GRID1: variants seen among roughly 807,000 people sequenced by gnomAD.
The protein encoded by GRID1 is glutamate ionotropic receptor delta type subunit 1, also known as glutamate receptor ionotropic, delta-1.
In GRID1, 28 loss-of-function variants were observed where a neutral mutation model predicts 98.0. That is an observed-to-expected ratio of 0.29 (90% CI 0.21 to 0.39). The LOEUF is 0.39. Among genes scored for constraint, GRID1 ranks in the 10% least tolerant of loss-of-function variants. GRID1 has a pLI of 1.00. For synonymous variants in GRID1, 553 were observed against 538.5 expected (o/e 1.03, Z -0.37); for missense variants, 1,111 against 1,340.5 (o/e 0.83, Z 2.67).
At chr10:86,210,680 G>T (rs1462513644) in intron 2 of GRID1, among the ~76,000 whole-genome samples, 2 of 152,234 alleles carry the variant, frequency 1.3e-5, no homozygotes, top group African/African-American at 4.8e-5. Flanking sequence ...CCACAAAAAG[G>T]GTGGGTAATT....
chr10:86,077,645 G>A (rs534655850), intron 4 of GRID1, among the ~76,000 whole-genome samples: 1 of 152,316 alleles, frequency 6.6e-6, no homozygotes, highest in East Asian at 1.9e-4. Flanking sequence ...TGATTCGTGT[G>A]CGTTGAAAGA....
intron 8 of GRID1, among the ~76,000 whole-genome samples, chr10:85,737,418 A>G (rs1841893817): frequency 6.6e-6 from 1 of 151,864 alleles, no homozygotes; most frequent in Non-Finnish European, 1.5e-5. Context: ...GATCAGTCAT[A>G]ATGAAGGCAA....
chr10:86,234,843 A>T (rs1846511288), intron 2 of GRID1, among the ~76,000 whole-genome samples: 2 of 152,318 alleles, frequency 1.3e-5, no homozygotes, highest in South Asian at 4.1e-4. Context: ...ACAGGGAGCC[A>T]CCGGCTTCCT....
At chr10:86,103,084 T>G (rs187482489) in intron 4 of GRID1, among the ~76,000 whole-genome samples, 1 of 152,182 alleles carries the variant, frequency 6.6e-6, no homozygotes, top group Non-Finnish European at 1.5e-5. Flanking sequence ...CTCTTTTTCT[T>G]TATAAATTAC....
chr10:86,057,815 C>CCAGGCCA (rs1843595152), intron 4 of GRID1, among the ~76,000 whole-genome samples: 2 of 152,184 alleles, frequency 1.3e-5, no homozygotes, highest in Non-Finnish European at 2.9e-5. Context: ...GGCCATGGAA[C>CCAGGCCA]TGTTTAGTTA....
At chr10:86,191,666 T>C (rs1845804250) in intron 3 of GRID1, among the ~76,000 whole-genome samples, 1 of 152,122 alleles carries the variant, frequency 6.6e-6, no homozygotes, top group Non-Finnish European at 1.5e-5. Flanking sequence ...CCCAGTTCCC[T>C]CAGGGTGGCC....
chr10:85,868,101 C>T (rs922407699), intron 6 of GRID1, among the ~76,000 whole-genome samples: 1 of 152,216 alleles, frequency 6.6e-6, no homozygotes, highest in Non-Finnish European at 1.5e-5. Flanking sequence ...TTCTAACCCT[C>T]ATGCCTGGCT....
chr10:86,015,123 A>G (rs551894526), intron 4 of GRID1, among the ~76,000 whole-genome samples: 1 of 152,230 alleles, frequency 6.6e-6, no homozygotes, highest in South Asian at 2.1e-4. Context: ...ATACCTATTC[A>G]TCCTGTTTAT....
At chr10:85,800,061 G>A (rs1389519183) in intron 8 of GRID1, among the ~76,000 whole-genome samples, 1 of 151,750 alleles carries the variant, frequency 6.6e-6, no homozygotes, top group East Asian at 1.9e-4. Context: ...ACAGAATGTT[G>A]AAAGCATTTA....
At chr10:85,822,751 C>T (rs531939087) in intron 8 of GRID1, among the ~76,000 whole-genome samples, 2,496 of 152,048 alleles carry the variant, frequency 0.016, 73 homozygotes, top group Admixed American at 0.066. Flanking sequence ...ATGTTTATTG[C>T]GGCACTATTC....
intron 4 of GRID1, among the ~76,000 whole-genome samples, chr10:86,073,184 T>G (rs1843828882): frequency 6.6e-6 from 1 of 152,212 alleles, no homozygotes; most frequent in African/African-American, 2.4e-5. Flanking sequence ...TTAAAATGAT[T>G]AGCCAAATGG....
intron 8 of GRID1, among the ~76,000 whole-genome samples, chr10:85,792,507 T>C (rs1842489684): frequency 6.6e-6 from 1 of 152,250 alleles, no homozygotes; most frequent in Non-Finnish European, 1.5e-5. Context: ...TGATTTGTTC[T>C]CTGGCAGGAT....
chr10:86,080,480 A>C, intron 4 of GRID1, among the ~76,000 whole-genome samples: 1 of 125,282 alleles, frequency 8.0e-6, no homozygotes, highest in East Asian at 2.5e-4. Flanking sequence ...AGGGAAGGGA[A>C]GGGAAAAGGG....
chr10:85,599,802 A>AAAAAAAAAAAAAAAAAT lies in GRID1; in HGVS notation c.*2470_*2471insATTTTTTTTTTTTTTTT. ...GTAGAAAATTCTAAAAAAAAAAAAA[A>AAAAAAAAAAAAAAAAAT]ATATATATATATATATATAAACATG... On this transcript the variant is annotated 3_prime_UTR_variant, in exon 16 of 16. Transcript: ENST00000327946. 2.5e-4 allele frequency: 16 copies of AAAAAAAAAAAAAAAAAT among 64,972 alleles called. No individual in the cohort carries two copies. Among genetic ancestry groups the AAAAAAAAAAAAAAAAAT allele is most frequent in the African/African-American group, 1.5e-3 (16 of 10,720 alleles). The allele number at this position is 64,972 out of a possible 1,614,324, so 4.0% of individuals were successfully genotyped here. A position where few individuals can be genotyped will look rare whatever the true frequency, so the allele number is the denominator to read the frequency against.
intron 2 of GRID1, among the ~76,000 whole-genome samples, chr10:86,312,379 T>A (rs1847842880): frequency 6.6e-6 from 1 of 152,170 alleles, no homozygotes; most frequent in South Asian, 2.1e-4. Flanking sequence ...CACTCACCCA[T>A]CGCCTCCCAA....
chr10:86,226,680 G>A (rs910555476), intron 2 of GRID1, among the ~76,000 whole-genome samples: 12 of 138,936 alleles, frequency 8.6e-5, no homozygotes, highest in Admixed American at 7.6e-4. Flanking sequence ...ATTGGAGTGG[G>A]GTGTTGGCAG....
chr10:86,005,438 G>A (rs1237129492), intron 4 of GRID1, among the ~76,000 whole-genome samples: 1 of 152,184 alleles, frequency 6.6e-6, no homozygotes, highest in Non-Finnish European at 1.5e-5. Flanking sequence ...GGTAAATGTT[G>A]TTGGAGAGAC....
intron 3 of GRID1, among the ~76,000 whole-genome samples, chr10:86,164,909 C>A (rs530898377): frequency 7.2e-5 from 11 of 152,136 alleles, no homozygotes; most frequent in Admixed American, 6.5e-4. Context: ...TAAAGCATGT[C>A]CTTGGGTGAT....
intron 2 of GRID1, among the ~76,000 whole-genome samples, chr10:86,319,758 C>A (rs1847945289): frequency 6.6e-6 from 1 of 152,230 alleles, no homozygotes; most frequent in Admixed American, 6.5e-5. Context: ...GTGGTGAAAG[C>A]ACTGCTGATG....
Sources: gnomAD v4.1 joint callset for allele counts (sites outside exome capture counted in the v4.1 genomes callset) on GRCh38, gnomAD v4.1.1 for gene constraint, MANE v1.5 for transcripts, NCBI Gene and HGNC (gene_info 2026-07-23, HGNC 2026-07-21) for gene names.